Variants in UQCRFS1 observed in about 807,000 individuals in gnomAD.
UQCRFS1 encodes the protein ubiquinol-cytochrome c reductase, Rieske iron-sulfur polypeptide 1, also known as cytochrome b-c1 complex subunit Rieske, mitochondrial.
UQCRFS1 carries 6 observed loss-of-function variants against 15.6 expected under a neutral mutation model. That is an observed-to-expected ratio of 0.38 (90% CI 0.21 to 0.76). The LOEUF is 0.76. UQCRFS1 is among the 30% of genes least tolerant of loss of function. The probability of loss-of-function intolerance (pLI) is 0.44; values close to 1 mark genes in which losing one functional copy is unlikely to be tolerated. For synonymous variants in UQCRFS1, 105 were observed against 154.3 expected (o/e 0.68, Z 2.37); for missense variants, 203 against 366.7 (o/e 0.55, Z 3.65).
In UQCRFS1 at chr19:29,208,114, C is replaced by A; in HGVS notation, c.259G>T (p.Asp87Tyr). The part of the protein sequence containing the change: ...CYSHTDIKVP[D>Y]FSEYRRLEVL... ...TCAAGGCGGCGGTATTCAGAGAAGT[C>A]AGGCACCTTGATGTCTGTGTGGGAA... Residue 87 changes from aspartate (D) to tyrosine (Y), a missense_variant, in exon 2 of 2, where the codon GAC becomes TAC. Transcript: ENST00000304863. 1 of 1,613,926 alleles carries A rather than the reference C, an allele frequency of 6.2e-7. No homozygotes were observed. Among genetic ancestry groups the A allele is most frequent in the Non-Finnish European group, 8.5e-7 (1 of 1,179,924 alleles).
chr19:29,212,784 G>A (rs1568346236), intron 1 of UQCRFS1, 121 bp downstream of exon 1: 1 of 1,104,818 alleles, frequency 9.1e-7, no homozygotes, highest in East Asian at 3.3e-5. Context: ...AGTTGCGGAG[G>A]CCGCCCAGCC....
intron 1 of UQCRFS1, among the ~76,000 whole-genome samples, chr19:29,211,308 T>C (rs1366738092): frequency 6.6e-6 from 1 of 152,128 alleles, no homozygotes; most frequent in East Asian, 1.9e-4. Flanking sequence ...ATCAGAGAAA[T>C]GTAAGCCTCC....
chr19:29,210,373 T>TA (rs1728276034), intron 1 of UQCRFS1, among the ~76,000 whole-genome samples: 1 of 151,730 alleles, frequency 6.6e-6, no homozygotes. Flanking sequence ...ATTTTTTTTT[T>TA]ATTATACTTT....
At chr19:29,211,233 A>G (rs1399190105) in intron 1 of UQCRFS1, among the ~76,000 whole-genome samples, 1 of 151,966 alleles carries the variant, frequency 6.6e-6, no homozygotes, top group African/African-American at 2.4e-5. Context: ...ATGAACAGAC[A>G]CTTCTCAAAA....
rs993154172 is a variant in UQCRFS1 at position 29,212,968 on chromosome 19, T to A, written c.151A>T (p.Ser51Cys). The change falls in exon 1 of 2, where the codon AGC (serine) becomes TGC (cysteine). Residue 51 changes from serine (S) to cysteine (C), a missense_variant. Physicochemically the swap from Ser to Cys is moderately radical, Grantham distance 112. Coordinates refer to ENST00000304863, the MANE Select transcript of UQCRFS1 (RefSeq NM_006003.3). Reference protein sequence around the residue: ...PVLDLKRPFLSRESLSGQAVR... With the variant: ...PVLDLKRPFLCRESLSGQAVR... Reference sequence around the variant, plus strand: ...GCCTGGCCGCTCAGCGACTCCCGGCTGAGGAAGGGCCGCTTCAGGTCCAAC... The same window carrying A: ...GCCTGGCCGCTCAGCGACTCCCGGCAGAGGAAGGGCCGCTTCAGGTCCAAC... 8.6e-6 allele frequency: 12 copies of A among 1,400,560 alleles called. No homozygotes were observed. The highest frequency in any genetic ancestry group is 1.0e-5 in the Non-Finnish European group (11 of 1,090,152). The allele number at this position is 1,400,560 out of a possible 1,614,324, so 86.8% of individuals were successfully genotyped here.
At chr19:29,212,840 TG>T (rs1976673978) in intron 1 of UQCRFS1, 64 bp downstream of exon 1, 6 of 1,345,314 alleles carry the variant, frequency 4.5e-6, no homozygotes, top group South Asian at 3.7e-5. Context: ...CGCTCCCTGC[TG>T]GGGGCCGGAG....
Position 29,212,868 on chromosome 19 carries a change from AC to A in UQCRFS1, c.214+36del, listed in dbSNP as rs776479847. ...GGGCCGGAGGAGCGGGCACCGAGAGACCCCCAGCCCTGCTCGCGGCCCTCGC... is the reference window on the plus strand; with the variant it reads ...GGGCCGGAGGAGCGGGCACCGAGAGACCCCAGCCCTGCTCGCGGCCCTCGC... On this transcript the variant is annotated intron_variant, in intron 1 of 1. Coordinates refer to ENST00000304863, the MANE Select transcript of UQCRFS1 (RefSeq NM_006003.3). The A allele has an allele frequency of 3.6e-6, 5 of 1,382,946 alleles. No homozygotes were observed. In the Admixed American group the frequency reaches 1.5e-4, roughly 41 times the overall value. The allele number at this position is 1,382,946 out of a possible 1,614,324, so 85.7% of individuals were successfully genotyped here. A position where few individuals can be genotyped will look rare whatever the true frequency, so the allele number is the denominator to read the frequency against.
At chr19:29,212,704 G>A (rs1413741220) in intron 1 of UQCRFS1, among the ~76,000 whole-genome samples, 2 of 152,212 alleles carry the variant, frequency 1.3e-5, no homozygotes, top group Non-Finnish European at 2.9e-5. Context: ...GGAGGAACCA[G>A]GCGAAGCCGG....
chr19:29,209,146 ACT>A (rs1976620669), intron 1 of UQCRFS1, among the ~76,000 whole-genome samples: 2 of 151,754 alleles, frequency 1.3e-5, no homozygotes, highest in African/African-American at 4.8e-5. Flanking sequence ...TCTCTCCAAT[ACT>A]ATTTTTAAAT....
At position 29,206,453 on chromosome 19, in the gene UQCRFS1, A is replaced by T. The variant is rs1976595335; in HGVS notation, c.*1095T>A. The T allele has an allele frequency of 6.6e-6, 1 of 152,186 alleles. No homozygotes were observed. Among genetic ancestry groups the T allele is most frequent in the Non-Finnish European group, 1.5e-5 (1 of 68,040 alleles). The allele number at this position is 152,186 out of a possible 1,614,324, so 9.4% of individuals were successfully genotyped here. On this transcript the variant is annotated 3_prime_UTR_variant, in exon 2 of 2. Transcript: ENST00000304863. Reference sequence around the variant, plus strand: ...AGACTCAGTAAAGCACGACTGGTCCACCTCTAAACAGCAAAGACAAACACA... The same window carrying T: ...AGACTCAGTAAAGCACGACTGGTCCTCCTCTAAACAGCAAAGACAAACACA...
Position 29,207,917 on chromosome 19 carries a change from G to A in UQCRFS1, c.456C>T (p.Ile152=), listed in dbSNP as rs773361031. ...CTGGAATATCGGATAACTTGATTTC[G>A]ATTTTCGCCAGGGCCAACACATCAG... ...ASADVLALAK[I]EIKLSDIPEG... is the part of the protein sequence containing the mutation. The change falls in exon 2 of 2, where the codon ATC becomes ATT. Residue 152 remains isoleucine, a synonymous_variant. Coordinates refer to ENST00000304863, the MANE Select transcript of UQCRFS1 (RefSeq NM_006003.3). The A allele has an allele frequency of 1.4e-4, 219 of 1,613,830 alleles. No individual in the cohort carries two copies. Among genetic ancestry groups the A allele is most frequent in the Non-Finnish European group, 1.8e-4 (209 of 1,179,876 alleles).
chr19:29,206,630 G>A lies in UQCRFS1; in HGVS notation c.*918C>T, dbSNP rs1976596703. ...GTCTGGTTCCACACCATCTTACAGT[G>A]AAAAGTGCTGAGTGACTGTAAACCC... On this transcript the variant is annotated 3_prime_UTR_variant, in exon 2 of 2. Coordinates refer to ENST00000304863, the MANE Select transcript of UQCRFS1 (RefSeq NM_006003.3). The A allele has an allele frequency of 1.3e-5, 2 of 152,334 alleles. No individual in the cohort carries two copies. The highest frequency in any genetic ancestry group is 1.3e-4 in the Admixed American group (2 of 15,298). 9.4% of individuals were successfully genotyped at this position (152,334 alleles called of 1,614,324 possible).
intron 1 of UQCRFS1, among the ~76,000 whole-genome samples, chr19:29,210,396 A>G (rs917579618): frequency 1.3e-5 from 2 of 151,860 alleles, no homozygotes; most frequent in Admixed American, 6.6e-5. Context: ...GTTTTAGGGT[A>G]CATGTGCACA....
chr19:29,213,151 CAGGG>C, upstream of UQCRFS1: 2 of 1,516,970 alleles, frequency 1.3e-6, no homozygotes, highest in Middle Eastern at 2.0e-4. Context: ...AAGCCGGTCA[CAGGG>C]ACGACCTTCC....
Position 29,207,288 on chromosome 19 carries a change from T to C in UQCRFS1, c.*260A>G, listed in dbSNP as rs901911923. 4 of 357,242 alleles carry C rather than the reference T, an allele frequency of 1.1e-5. No individual in the cohort carries two copies. The highest frequency in any genetic ancestry group is 1.3e-4 in the South Asian group (2 of 15,732). The allele number at this position is 357,242 out of a possible 1,614,324, so 22.1% of individuals were successfully genotyped here. A position where few individuals can be genotyped will look rare whatever the true frequency, so the allele number is the denominator to read the frequency against. On this transcript the variant is annotated 3_prime_UTR_variant, in exon 2 of 2. Coordinates refer to ENST00000304863, the MANE Select transcript of UQCRFS1 (RefSeq NM_006003.3). ...AAGTATCTTGTACACCAGTCTGTAA[T>C]TTTTAATTAGAATTAGCTAAAAGAC...
At chr19:29,212,763 G>T (rs928539535) in intron 1 of UQCRFS1, 142 bp downstream of exon 1, 1 of 881,232 alleles carries the variant, frequency 1.1e-6, no homozygotes. Context: ...GAGCCCGGGG[G>T]CCAGGCCCAG....
chr19:29,206,828 A>T lies in UQCRFS1; in HGVS notation c.*720T>A, dbSNP rs909397091. Reference sequence around the variant, plus strand: ...CACAAAATGAACGAAATGGCAGAGCACTCTCATTTTGGAAAGTTTCTCTCA... The same window carrying T: ...CACAAAATGAACGAAATGGCAGAGCTCTCTCATTTTGGAAAGTTTCTCTCA... On this transcript the variant is annotated 3_prime_UTR_variant, in exon 2 of 2. Transcript: ENST00000304863. 1 of 152,144 alleles carries T rather than the reference A, an allele frequency of 6.6e-6. No homozygotes were observed. Among genetic ancestry groups the T allele is most frequent in the Non-Finnish European group, 1.5e-5 (1 of 68,036 alleles). The allele number at this position is 152,144 out of a possible 1,614,324, so 9.4% of individuals were successfully genotyped here.
chr19:29,211,994 G>T (rs1409731667), intron 1 of UQCRFS1, among the ~76,000 whole-genome samples: 1 of 152,180 alleles, frequency 6.6e-6, no homozygotes, highest in African/African-American at 2.4e-5. Context: ...CTAGATCCCA[G>T]TATTACCGGC....
rs1568344039 is a variant in UQCRFS1 at position 29,205,715 on chromosome 19, T to C, written c.*1833A>G. Reference sequence around the variant, plus strand: ...TCTCCTACTATCTAGGATTTTGTTTTCACAGAATGGTAAAAATGTTAACAC... The same window carrying C: ...TCTCCTACTATCTAGGATTTTGTTTCCACAGAATGGTAAAAATGTTAACAC... On this transcript the variant is annotated 3_prime_UTR_variant, in exon 2 of 2. Transcript: ENST00000304863. 1 of 152,200 alleles carries C rather than the reference T, an allele frequency of 6.6e-6. No individual in the cohort carries two copies. Among genetic ancestry groups the C allele is most frequent in the East Asian group, 1.9e-4 (1 of 5,196 alleles). 9.4% of individuals were successfully genotyped at this position (152,200 alleles called of 1,614,324 possible).
Sources: gnomAD v4.1 joint callset for allele counts (sites outside exome capture counted in the v4.1 genomes callset) on GRCh38, gnomAD v4.1.1 for gene constraint, MANE v1.5 for transcripts, NCBI Gene and HGNC (gene_info 2026-07-23, HGNC 2026-07-21) for gene names.